IL7: variants seen among roughly 807,000 people sequenced by gnomAD.
IL7 encodes the protein interleukin-7.
Under a neutral mutation model 21.6 loss-of-function variants are expected in IL7, and 3 were observed. That is an observed-to-expected ratio of 0.14 (90% confidence interval 0.06 to 0.36). IL7 has a LOEUF of 0.36. IL7 is among the 10% of genes least tolerant of loss of function. The pLI, the probability that IL7 is intolerant of heterozygous loss-of-function variation, is 1.00. For missense variants in IL7, 175 were observed against 200.2 expected (o/e 0.87, Z 0.76); for synonymous variants, 62 against 68.1 (o/e 0.91, Z 0.44).
At chr8:78,755,069 C>T (rs906068612) in intron 2 of IL7, among the ~76,000 whole-genome samples, 2 of 152,012 alleles carry the variant, frequency 1.3e-5, no homozygotes, top group Non-Finnish European at 2.9e-5. Flanking sequence ...GTTTTCCTAG[C>T]ACTATTTATT....
chr8:78,767,716 C>T (rs992371783), intron 2 of IL7, among the ~76,000 whole-genome samples: 1 of 151,972 alleles, frequency 6.6e-6, no homozygotes, highest in Non-Finnish European at 1.5e-5. Context: ...TTTTATATCA[C>T]CATTTCTCTA....
chr8:78,762,369 C>T, intron 2 of IL7: 6 of 1,612,662 alleles, frequency 3.7e-6, no homozygotes, highest in Non-Finnish European at 4.2e-6. Flanking sequence ...CTGAAGAAGG[C>T]CAAGTCAAGT....
intron 4 of IL7, among the ~76,000 whole-genome samples, chr8:78,738,158 A>T (rs1468875311): frequency 6.6e-6 from 1 of 152,174 alleles, no homozygotes; most frequent in Non-Finnish European, 1.5e-5. Flanking sequence ...GTTCTTGTAA[A>T]TGTGTACATA....
chr8:78,720,405 A>G (rs1030787546), intron 5 of IL7, among the ~76,000 whole-genome samples: 2 of 151,826 alleles, frequency 1.3e-5, no homozygotes, highest in African/African-American at 4.8e-5. Flanking sequence ...TAAAGCCACA[A>G]TTTTTATTTT....
At chr8:78,782,106 G>C (rs1813352493) in intron 2 of IL7, among the ~76,000 whole-genome samples, 1 of 152,112 alleles carries the variant, frequency 6.6e-6, no homozygotes, top group African/African-American at 2.4e-5. Context: ...CTGGTTAACA[G>C]CTTCTATAAT....
At chr8:78,712,121 C>A in intron 3 of IL7, 1 of 1,247,234 alleles carries the variant, frequency 8.0e-7, no homozygotes. Context: ...GTATTTGTAA[C>A]TCAGTTTGGT....
At position 78,804,993 on chromosome 8, in the gene IL7, C is replaced by A; in HGVS notation, c.-71G>T. 1 of 1,554,162 alleles carries A rather than the reference C, an allele frequency of 6.4e-7. No individual in the cohort carries two copies. The highest frequency in any genetic ancestry group is 8.8e-7 in the Non-Finnish European group (1 of 1,137,746). On this transcript the variant is annotated 5_prime_UTR_variant, in exon 1 of 6. Coordinates refer to ENST00000263851, the MANE Select transcript of IL7 (RefSeq NM_000880.4). Reference sequence around the variant, plus strand: ...GGAGCAAGCTCTCACCGCCCATAGTCACTCCCAGGACCCTGGTCTTCCGCG... The same window carrying A: ...GGAGCAAGCTCTCACCGCCCATAGTAACTCCCAGGACCCTGGTCTTCCGCG...
At chr8:78,686,425 C>T (rs1809972585) in intron 3 of IL7, 1 of 1,162,226 alleles carries the variant, frequency 8.6e-7, no homozygotes, top group South Asian at 2.5e-5. Flanking sequence ...TAAAAAGATA[C>T]TGTTTGTTTA....
chr8:78,752,505 T>G (rs1484795449), intron 2 of IL7, among the ~76,000 whole-genome samples: 1 of 152,196 alleles, frequency 6.6e-6, no homozygotes, highest in Non-Finnish European at 1.5e-5. Flanking sequence ...ATTTGCATTT[T>G]TTTCCAGTGA....
intron 3 of IL7, among the ~76,000 whole-genome samples, chr8:78,712,355 A>G (rs749812432): frequency 2.0e-5 from 3 of 152,100 alleles, no homozygotes; most frequent in African/African-American, 7.2e-5. Flanking sequence ...TGAGGTTTCA[A>G]ATTGCAGTCA....
intron 2 of IL7, among the ~76,000 whole-genome samples, chr8:78,782,259 A>G (rs947238233): frequency 6.6e-5 from 10 of 152,086 alleles, no homozygotes; most frequent in African/African-American, 2.4e-4. Context: ...GCCTTGTTGG[A>G]AAGGTGTTGC....
In IL7 at chr8:78,707,067, G is replaced by C. The variant is rs56815353; in HGVS notation, n.214+14281C>G. ...TCTGATTTATTTTCTTCTCCAATGAGTTGACTCATTGGATGATTAAGTGAA... is the reference window on the plus strand; with the variant it reads ...TCTGATTTATTTTCTTCTCCAATGACTTGACTCATTGGATGATTAAGTGAA... On this transcript the variant is annotated intron_variant and non_coding_transcript_variant, in intron 3 of 4. Coordinates refer to the IL7 transcript ENST00000523959. Among the ~76,000 whole-genome samples, 5 of 152,282 alleles carry C rather than the reference G, an allele frequency of 3.3e-5. No homozygotes were observed. The Middle Eastern group carries it at 0.01, about 311-fold the overall frequency.
At chr8:78,716,324 C>G (rs1811101227), downstream of IL7, among the ~76,000 whole-genome samples, 1 of 151,622 alleles carries the variant, frequency 6.6e-6, no homozygotes, top group Non-Finnish European at 1.5e-5. Context: ...GGGGTTTCAC[C>G]ATGTTAGCCA....
chr8:78,761,875 G>C, intron 2 of IL7: 3 of 1,611,626 alleles, frequency 1.9e-6, no homozygotes, highest in Non-Finnish European at 2.5e-6. Context: ...CCTCATGTCC[G>C]TCCAGAGGTA....
intron 3 of IL7, among the ~76,000 whole-genome samples, chr8:78,711,085 G>T (rs1810936296): frequency 2.0e-5 from 3 of 152,066 alleles, no homozygotes; most frequent in African/African-American, 7.2e-5. Flanking sequence ...GATGCTCAGG[G>T]TTTATAGTCA....
chr8:78,757,802 C>T (rs1812400842), intron 2 of IL7, among the ~76,000 whole-genome samples: 2 of 152,012 alleles, frequency 1.3e-5, no homozygotes, highest in Admixed American at 6.6e-5. Flanking sequence ...TGTGTCCTCA[C>T]CCAAATCTCA....
chr8:78,701,784 A>G (rs1452291793), intron 3 of IL7, among the ~76,000 whole-genome samples: 2 of 152,196 alleles, frequency 1.3e-5, no homozygotes, highest in Non-Finnish European at 2.9e-5. Flanking sequence ...GTTGTGATGA[A>G]TAGCATTTAT....
At chr8:78,801,472 G>GT (rs1463365943) in intron 1 of IL7, among the ~76,000 whole-genome samples, 2 of 152,086 alleles carry the variant, frequency 1.3e-5, no homozygotes, top group Non-Finnish European at 2.9e-5. Context: ...CAGGAGGATT[G>GT]TTTGAGCCTG....
At chr8:78,740,406 A>T (rs1050978522) in intron 2 of IL7, among the ~76,000 whole-genome samples, 6 of 152,200 alleles carry the variant, frequency 3.9e-5, no homozygotes, top group Non-Finnish European at 8.8e-5. Flanking sequence ...AAGTATTATA[A>T]AATGTGAAGT....
Sources: allele counts gnomAD v4.1 joint callset (sites outside exome capture counted in the v4.1 genomes callset), GRCh38; gene constraint gnomAD v4.1.1; transcripts MANE v1.5; gene names NCBI Gene and HGNC (gene_info 2026-07-23, HGNC 2026-07-21).